The following CAMK1D variants were observed in gnomAD, a reference collection of about 807,000 sequenced individuals.
CAMK1D encodes the protein calcium/calmodulin-dependent protein kinase type 1D.
A neutral mutation model predicts 47.7 loss-of-function variants in CAMK1D; 9 were observed. The observed-to-expected ratio is 0.19, with a 90% confidence interval of 0.11 to 0.33. CAMK1D has a LOEUF of 0.33. Among genes scored for constraint, CAMK1D ranks in the 10% least tolerant of loss-of-function variants. CAMK1D has a pLI of 1.00. For missense variants in CAMK1D, 291 were observed against 488.7 expected (o/e 0.60, Z 3.81); for synonymous variants, 184 against 184.9 (o/e 0.99, Z 0.04).
chr10:12,824,388 T>G (rs1588971589), intron 8 of CAMK1D, 77 bp from the exon 9 acceptor site: 4 of 1,294,410 alleles, frequency 3.1e-6, no homozygotes, highest in Non-Finnish European at 2.2e-6. Context: ...TGAGGCTAGG[T>G]AAGACTCCCC....
rs1344569912 is a variant in CAMK1D, at chr10:12,574,501, A to G, written c.224+21145A>G. ...TTTTTTTTTTTTTTTTTTTTTTAGT[A>G]GAGACGGGGCTTCGCCATGTTGCCC... On this transcript the variant is annotated intron_variant, in intron 2 of 10. Coordinates refer to ENST00000619168, the MANE Select transcript of CAMK1D (RefSeq NM_153498.4). Among the ~76,000 whole-genome samples, 4 of 79,286 alleles carry G rather than the reference A, an allele frequency of 5.0e-5. No individual in the cohort carries two copies. In the South Asian group the frequency reaches 1.5e-3, roughly 30 times the overall value. The allele number at this position is 79,286 out of a possible 152,430, so 52.0% of individuals were successfully genotyped here. A position where few individuals can be genotyped will look rare whatever the true frequency, so the allele number is the denominator to read the frequency against.
chr10:12,535,601 C>T (rs1290116214), intron 1 of CAMK1D, among the ~76,000 whole-genome samples: 2 of 152,196 alleles, frequency 1.3e-5, no homozygotes, highest in Non-Finnish European at 2.9e-5. Flanking sequence ...TAGGTTCTAA[C>T]AGTGTTGGTC....
chr10:12,777,674 C>T (rs1450329676), intron 5 of CAMK1D, among the ~76,000 whole-genome samples: 2 of 152,066 alleles, frequency 1.3e-5, no homozygotes, highest in Non-Finnish European at 2.9e-5. Context: ...ATTCCTGGCC[C>T]TGGTTGAACT....
At chr10:12,600,537 TTTCC>T (rs1291689251) in intron 2 of CAMK1D, among the ~76,000 whole-genome samples, 1 of 152,218 alleles carries the variant, frequency 6.6e-6, no homozygotes, top group Non-Finnish European at 1.5e-5. Flanking sequence ...ACATTTCACT[TTTCC>T]TTTTTAGCAA....
chr10:12,378,890 A>T (rs531710594), intron 1 of CAMK1D, among the ~76,000 whole-genome samples: 1 of 150,078 alleles, frequency 6.7e-6, no homozygotes. Context: ...GCTCACTGCA[A>T]CCTTCGCCTC....
At chr10:12,725,005 A>G (rs1179262565) in intron 3 of CAMK1D, among the ~76,000 whole-genome samples, 1 of 152,248 alleles carries the variant, frequency 6.6e-6, no homozygotes, top group Non-Finnish European at 1.5e-5. Flanking sequence ...AACAATCTAA[A>G]CTTCACAAAT....
chr10:12,504,050 G>C (rs1360034644), intron 1 of CAMK1D, among the ~76,000 whole-genome samples: 1 of 152,068 alleles, frequency 6.6e-6, no homozygotes, highest in African/African-American at 2.4e-5. Flanking sequence ...TAACCAAAGA[G>C]TTGGATGCTT....
intron 2 of CAMK1D, among the ~76,000 whole-genome samples, chr10:12,651,007 G>C (rs1213897518): frequency 6.6e-6 from 1 of 152,114 alleles, no homozygotes; most frequent in Non-Finnish European, 1.5e-5. Context: ...ACATCCCGAC[G>C]GGGCTTCATG....
At chr10:12,716,925 G>A (rs938112403) in intron 3 of CAMK1D, among the ~76,000 whole-genome samples, 1 of 152,192 alleles carries the variant, frequency 6.6e-6, no homozygotes, top group Non-Finnish European at 1.5e-5. Context: ...GGCAGCACCA[G>A]ATCCTGTGAG....
At chr10:12,512,333 C>T (rs761250596) in intron 1 of CAMK1D, among the ~76,000 whole-genome samples, 6 of 152,182 alleles carry the variant, frequency 3.9e-5, no homozygotes, top group East Asian at 1.9e-4. Flanking sequence ...CACTACCTTA[C>T]GTTGTCACTG....
intron 1 of CAMK1D, among the ~76,000 whole-genome samples, chr10:12,456,918 C>T (rs1833265669): frequency 6.6e-6 from 1 of 152,090 alleles, no homozygotes; most frequent in Non-Finnish European, 1.5e-5. Flanking sequence ...GGAATCTTTA[C>T]TGCAGATACA....
At chr10:12,386,100 A>G (rs908695418) in intron 1 of CAMK1D, among the ~76,000 whole-genome samples, 1 of 152,180 alleles carries the variant, frequency 6.6e-6, no homozygotes, top group African/African-American at 2.4e-5. Context: ...TGAAGCTTTT[A>G]CAAAAAAAGC....
At chr10:12,453,885 T>C in intron 1 of CAMK1D, among the ~76,000 whole-genome samples, 1 of 152,238 alleles carries the variant, frequency 6.6e-6, no homozygotes, top group East Asian at 1.9e-4. Flanking sequence ...AAGATCTTTT[T>C]AGAATTCTGA....
At position 12,701,851 on chromosome 10, in the gene CAMK1D, G is replaced by A. The variant is rs539195977; in HGVS notation, c.299+35041G>A. Among the ~76,000 whole-genome samples the A allele has an allele frequency of 4.1e-3, 624 of 152,332 alleles. 9 individuals are homozygous for A. The highest frequency in any genetic ancestry group is 0.014 in the African/African-American group (590 of 41,568). On this transcript the variant is annotated intron_variant, in intron 3 of 10. Transcript: ENST00000619168. ...TGTACTATTGGAAGCTTGGCTGGGGGCCAGGGGTTCTTCCCCAGCCATGCG... is the reference window on the plus strand; with the variant it reads ...TGTACTATTGGAAGCTTGGCTGGGGACCAGGGGTTCTTCCCCAGCCATGCG...
At chr10:12,432,334 TTTGTCTG>T (rs1832503424) in intron 1 of CAMK1D, among the ~76,000 whole-genome samples, 1 of 152,250 alleles carries the variant, frequency 6.6e-6, no homozygotes, top group Admixed American at 6.5e-5. Flanking sequence ...CCAAGGTTTA[TTTGTCTG>T]TTGTCTTTGT....
chr10:12,444,059 G>A (rs1252966642), intron 1 of CAMK1D, among the ~76,000 whole-genome samples: 2 of 152,146 alleles, frequency 1.3e-5, no homozygotes, highest in South Asian at 2.1e-4. Context: ...CTGTCATGGC[G>A]CTGGCGGGAG....
rs1274776963 is a variant in CAMK1D, at chr10:12,833,992, G to T, written c.*5105G>T. On this transcript the variant is annotated 3_prime_UTR_variant, in exon 11 of 11. Transcript: ENST00000619168. ...CCCTTTTGAGGGGCACCTGGTCCTC[G>T]GTTGGGGCTGCAGGTGTGCCTGACA... 6.6e-6 allele frequency: 1 copy of T among 151,736 alleles called. No individual in the cohort carries two copies. Among genetic ancestry groups the T allele is most frequent in the Non-Finnish European group, 1.5e-5 (1 of 67,994 alleles). 9.4% of individuals were successfully genotyped at this position (151,736 alleles called of 1,614,324 possible). A position where few individuals can be genotyped will look rare whatever the true frequency, so the allele number is the denominator to read the frequency against.
chr10:12,374,388 A>G (rs929257901), intron 1 of CAMK1D, among the ~76,000 whole-genome samples: 2 of 151,988 alleles, frequency 1.3e-5, no homozygotes, highest in Admixed American at 1.3e-4. Flanking sequence ...CCTGTGTCCT[A>G]CCATTCCCCG....
Position 12,700,534 on chromosome 10 carries a change from C to T in CAMK1D, c.299+33724C>T, listed in dbSNP as rs141994316. 2.2e-3 allele frequency among the ~76,000 whole-genome samples: 337 copies of T among 152,338 alleles called. 2 individuals carry two copies. The highest frequency in any genetic ancestry group is 6.9e-3 in the African/African-American group (288 of 41,576). On this transcript the variant is annotated intron_variant, in intron 3 of 10. Transcript: ENST00000619168. Reference sequence around the variant, plus strand: ...TCAAGATGAGATTTGGGTGGGGACACAGCCAACCAATATTACTCAGCCTTT... The same window carrying T: ...TCAAGATGAGATTTGGGTGGGGACATAGCCAACCAATATTACTCAGCCTTT...
Sources: gnomAD v4.1 joint callset for allele counts (sites outside exome capture counted in the v4.1 genomes callset) on GRCh38, gnomAD v4.1.1 for gene constraint, MANE v1.5 for transcripts, NCBI Gene and HGNC (gene_info 2026-07-23, HGNC 2026-07-21) for gene names.